VWA3B: variants seen among roughly 807,000 people sequenced by gnomAD.
The protein encoded by VWA3B is von Willebrand factor A domain containing 3B, also known as von Willebrand factor A domain-containing protein 3B.
In VWA3B, 138 loss-of-function variants were observed where a neutral mutation model predicts 158.3. That is an observed-to-expected ratio of 0.87 (90% CI 0.76 to 1.00). VWA3B has a LOEUF of 1.00. VWA3B is among the 50% of genes least tolerant of loss of function. The probability of loss-of-function intolerance (pLI) is 0.00; values close to 1 mark genes in which losing one functional copy is unlikely to be tolerated. For synonymous variants in VWA3B, 596 were observed against 587.3 expected, an observed-to-expected ratio of 1.01 and a Z score of -0.21; for missense variants, 1,555 against 1,565.1, an observed-to-expected ratio of 0.99 and a Z score of 0.11.
chr2:98,304,502 G>T (rs1173544918), intron 26 of VWA3B, among the ~76,000 whole-genome samples: 2 of 152,104 alleles, frequency 1.3e-5, no homozygotes, highest in Non-Finnish European at 2.9e-5. Flanking sequence ...GGCTGTCTTT[G>T]GGTGCTAACC....
At chr2:98,237,070 A>G (rs12993718) in intron 19 of VWA3B, among the ~76,000 whole-genome samples, 94,280 of 152,148 alleles carry the variant, frequency 0.62, 29,496 homozygotes, top group South Asian at 0.83. Flanking sequence ...CAGCTACTTG[A>G]GCCACTGAGG....
intron 7 of VWA3B, among the ~76,000 whole-genome samples, chr2:98,141,477 A>C (rs1253313992): frequency 1.3e-5 from 2 of 152,042 alleles, no homozygotes; most frequent in Non-Finnish European, 2.9e-5. Context: ...GACTCTTCTT[A>C]ACTATCACAT....
downstream of VWA3B, among the ~76,000 whole-genome samples, chr2:98,313,616 G>A (rs761818900): frequency 1.4e-4 from 22 of 152,164 alleles, no homozygotes; most frequent in Non-Finnish European, 2.4e-4. Context: ...GTGAGCCTGC[G>A]TACATTCATT....
chr2:98,243,492 C>T (rs1434085707), intron 19 of VWA3B, among the ~76,000 whole-genome samples: 1 of 152,062 alleles, frequency 6.6e-6, no homozygotes, highest in Non-Finnish European at 1.5e-5. Context: ...CACCACCATG[C>T]CTGACTAATT....
chr2:98,150,472 G>A (rs963668967), intron 7 of VWA3B, among the ~76,000 whole-genome samples: 24 of 152,374 alleles, frequency 1.6e-4, no homozygotes, highest in Admixed American at 4.6e-4. Context: ...ACAGGAAGCA[G>A]ACTCAGGTTC....
At position 98,118,259 on chromosome 2, in the gene VWA3B, G is replaced by A. The variant is rs1395590202; in HGVS notation, c.292-1254G>A. Among the ~76,000 whole-genome samples the A allele has an allele frequency of 2.0e-5, 3 of 152,106 alleles. No homozygotes were observed. The East Asian group carries it at 5.8e-4, about 29-fold the overall frequency. On this transcript the variant is annotated intron_variant, in intron 3 of 27. Transcript: ENST00000477737. ...GCAGTAGCTGTGGATGCTGGTGAAG[G>A]AGCTGGTAATTCTGTCTTAAGGGGC...
intron 13 of VWA3B, among the ~76,000 whole-genome samples, chr2:98,213,867 C>A (rs1683751119): frequency 6.6e-6 from 1 of 152,000 alleles, no homozygotes; most frequent in South Asian, 2.1e-4. Context: ...ACACTATGGA[C>A]AACTTGGAAA....
At position 98,300,125 on chromosome 2, in the gene VWA3B, A is replaced by G. The variant is rs1365141716; in HGVS notation, c.3329A>G (p.Asp1110Gly). ...FAKIVIPKGF[D>G]FYVPAIVIAL... ...AAAATTGTGATACCCAAAGGATTTG[A>G]CTTCTATGTCCCTGCCATTGTCATA... The change falls in exon 25 of 28, where the codon GAC (aspartate) becomes GGC (glycine). Residue 1110 changes from aspartate (D) to glycine (G), a missense_variant. Physicochemically the swap from Asp to Gly is moderately conservative, Grantham distance 94. Transcript: ENST00000477737. 2 of 1,614,246 alleles carry G rather than the reference A, an allele frequency of 1.2e-6. No individual in the cohort carries two copies. The highest frequency in any genetic ancestry group is 1.1e-5 in the South Asian group (1 of 91,082).
chr2:98,131,831 T>G (rs1675895285), intron 6 of VWA3B, among the ~76,000 whole-genome samples: 1 of 152,214 alleles, frequency 6.6e-6, no homozygotes, highest in Admixed American at 6.5e-5. Flanking sequence ...AGATGCAAAT[T>G]TTATAGCCGC....
In VWA3B at chr2:98,265,257, T is replaced by C. The variant is rs1687736421; in HGVS notation, c.2844-5425T>C. Among the ~76,000 whole-genome samples, 10 of 147,448 alleles carry C rather than the reference T, an allele frequency of 6.8e-5. 1 individual carries two copies. In the South Asian group the frequency reaches 2.2e-3, roughly 33 times the overall value. On this transcript the variant is annotated intron_variant, in intron 21 of 27. Coordinates refer to ENST00000477737, the MANE Select transcript of VWA3B (RefSeq NM_144992.5). ...CCCTTCCTGTGTCCATGTGTTCTCA[T>C]TGTTCAATTCCCACCTGTGAGTGAG...
In VWA3B at chr2:98,212,010, C is replaced by G; in HGVS notation, c.1818C>G (p.Thr606=). ...AAACACAGGCAATCTACCTTCTGACCGATGGGAGACCTGATCAGGTACTTA... is the reference window on the plus strand; with the variant it reads ...AAACACAGGCAATCTACCTTCTGACGGATGGGAGACCTGATCAGGTACTTA... ...DKETQAIYLL[T]DGRPDQPPET... Residue 606 remains threonine, a synonymous_variant, in exon 13 of 28, where the codon ACC becomes ACG. Transcript: ENST00000477737. 10 of 1,614,024 alleles carry G rather than the reference C, an allele frequency of 6.2e-6. No homozygotes were observed. The highest frequency in any genetic ancestry group is 8.5e-6 in the Non-Finnish European group (10 of 1,179,964).
intron 21 of VWA3B, among the ~76,000 whole-genome samples, chr2:98,260,314 C>T (rs1687403394): frequency 2.6e-5 from 4 of 151,450 alleles, no homozygotes; most frequent in Non-Finnish European, 4.4e-5. Context: ...TAAAGTGAGG[C>T]GTTGAAGTCT....
In VWA3B at chr2:98,270,884, G is replaced by T; in HGVS notation, c.3045+1G>T. On this transcript the variant is annotated splice_donor_variant, in intron 22 of 27. Transcript: ENST00000477737. LOFTEE classifies it high-confidence loss of function. Reference sequence around the variant, plus strand: ...TTATGCAAACAAGGCCCCGGGAGAGGTGGGTGCCCTGGAGGTCTCTGTCTT... The same window carrying T: ...TTATGCAAACAAGGCCCCGGGAGAGTTGGGTGCCCTGGAGGTCTCTGTCTT... 1 of 1,613,588 alleles carries T rather than the reference G, an allele frequency of 6.2e-7. No homozygotes were observed. The highest frequency in any genetic ancestry group is 8.5e-7 in the Non-Finnish European group (1 of 1,179,732).
chr2:98,297,895 G>T lies in VWA3B; in HGVS notation c.3158-12G>T. ...TGTCTTTATATTTTATGTTTTCTTTGATTCCTTCCAGGGGTTGTGAAGAAG... is the reference window on the plus strand; with the variant it reads ...TGTCTTTATATTTTATGTTTTCTTTTATTCCTTCCAGGGGTTGTGAAGAAG... On this transcript the variant is annotated splice_polypyrimidine_tract_variant and intron_variant, in intron 23 of 27. Coordinates refer to ENST00000477737, the MANE Select transcript of VWA3B (RefSeq NM_144992.5). The T allele has an allele frequency of 6.8e-7, 1 of 1,471,716 alleles. No homozygotes were observed. The highest frequency in any genetic ancestry group is 9.0e-7 in the Non-Finnish European group (1 of 1,105,946). 91.2% of individuals were successfully genotyped at this position (1,471,716 alleles called of 1,614,324 possible). A position where few individuals can be genotyped will look rare whatever the true frequency, so the allele number is the denominator to read the frequency against.
chr2:98,171,432 G>A (rs1679572663), intron 8 of VWA3B, among the ~76,000 whole-genome samples: 1 of 152,156 alleles, frequency 6.6e-6, no homozygotes, highest in Admixed American at 6.6e-5. Flanking sequence ...AGAGCCGGGA[G>A]TGTATGCCAG....
rs1036167139 is a variant in VWA3B, at chr2:98,260,488, T to C, written c.2843+4314T>C. Among the ~76,000 whole-genome samples the C allele has an allele frequency of 5.3e-5, 8 of 151,960 alleles. No individual in the cohort carries two copies. The East Asian group carries it at 9.6e-4, about 18-fold the overall frequency. ...TAACAACTATGCAGCATTTACATTGTATTTGGCATTATAAATAATCTAGAA... is the reference window on the plus strand; with the variant it reads ...TAACAACTATGCAGCATTTACATTGCATTTGGCATTATAAATAATCTAGAA... On this transcript the variant is annotated intron_variant, in intron 21 of 27. Transcript: ENST00000477737.
At chr2:98,133,988 C>G (rs749394207) in intron 7 of VWA3B, 49 bp downstream of exon 7, 37 of 1,481,250 alleles carry the variant, frequency 2.5e-5, no homozygotes, top group Non-Finnish European at 3.2e-5. Context: ...CGAATAGCCT[C>G]AGACGACGTG....
In VWA3B at chr2:98,255,985, T is replaced by A. The variant is rs1340224752; in HGVS notation, c.2793-139T>A. On this transcript the variant is annotated intron_variant, in intron 20 of 27. Coordinates refer to ENST00000477737, the MANE Select transcript of VWA3B (RefSeq NM_144992.5). ...AGTGATGCTGAGGTGACACATCCAGTGTCTTTAAGCACATGACAGTGGCCT... is the reference window on the plus strand; with the variant it reads ...AGTGATGCTGAGGTGACACATCCAGAGTCTTTAAGCACATGACAGTGGCCT... 6.0e-6 allele frequency: 5 copies of A among 829,278 alleles called. No homozygotes were observed. In the East Asian group the frequency reaches 1.0e-4, roughly 17 times the overall value. 51.4% of individuals were successfully genotyped at this position (829,278 alleles called of 1,614,324 possible). A position where few individuals can be genotyped will look rare whatever the true frequency, so the allele number is the denominator to read the frequency against.
intron 22 of VWA3B, among the ~76,000 whole-genome samples, chr2:98,286,657 T>A (rs1364912683): frequency 6.6e-6 from 1 of 152,172 alleles, no homozygotes; most frequent in Non-Finnish European, 1.5e-5. Context: ...ATCCTTCTTA[T>A]ACAATACTGG....
Sources: gnomAD v4.1 joint callset for allele counts (sites outside exome capture counted in the v4.1 genomes callset) on GRCh38, gnomAD v4.1.1 for gene constraint, MANE v1.5 for transcripts, NCBI Gene and HGNC (gene_info 2026-07-23, HGNC 2026-07-21) for gene names.